NTM: variants seen among roughly 807,000 people sequenced by gnomAD.
NTM encodes IgLON family member 2.
In NTM, 13 loss-of-function variants were observed where a neutral mutation model predicts 42.1. The ratio of observed to expected loss-of-function variants is 0.31; its 90% CI spans 0.20 to 0.49. The LOEUF (loss-of-function observed/expected upper bound fraction) is 0.49, where lower values mean the gene tolerates loss of function less well. Ranked by LOEUF, NTM falls within the 20% of genes least tolerant of loss-of-function variation. The probability of loss-of-function intolerance (pLI) is 0.99; values close to 1 mark genes in which losing one functional copy is unlikely to be tolerated. For synonymous variants in NTM, 187 were observed against 179.2 expected, an observed-to-expected ratio of 1.04 and a Z score of -0.35; for missense variants, 373 against 452.8, an observed-to-expected ratio of 0.82 and a Z score of 1.60.
rs189431934 is a variant in NTM at position 131,551,961 on chromosome 11, G to T, written c.82+181073G>T. 1.2e-3 allele frequency among the ~76,000 whole-genome samples: 176 copies of T among 152,252 alleles called. 3 individuals are homozygous for T. The highest frequency in any genetic ancestry group is 0.011 in the Admixed American group (172 of 15,300). On this transcript the variant is annotated intron_variant, in intron 1 of 8. Coordinates refer to ENST00000683400, the MANE Select transcript of NTM (RefSeq NM_001352005.2). ...CCAACACAGTTCCACAGTTGGTAAG[G>T]TCCCTACAAGCACCATTAGACAATG...
chr11:132,100,756 G>T (rs557486145), intron 2 of NTM, among the ~76,000 whole-genome samples: 1 of 152,064 alleles, frequency 6.6e-6, no homozygotes, highest in Non-Finnish European at 1.5e-5. Flanking sequence ...CCACCCCCAC[G>T]CATACATATA....
intron 1 of NTM, among the ~76,000 whole-genome samples, chr11:131,615,812 G>A (rs899417775): frequency 6.6e-6 from 1 of 152,178 alleles, no homozygotes; most frequent in African/African-American, 2.4e-5. Context: ...AGGCTGTGCT[G>A]AGCCTGTGCA....
At chr11:131,647,061 A>G (rs2065856863) in intron 1 of NTM, among the ~76,000 whole-genome samples, 1 of 152,138 alleles carries the variant, frequency 6.6e-6, no homozygotes, top group Admixed American at 6.5e-5. Flanking sequence ...TACTCTTCGT[A>G]CCCTGGCTGT....
chr11:131,549,268 G>A (rs2054330378), intron 1 of NTM, among the ~76,000 whole-genome samples: 1 of 152,152 alleles, frequency 6.6e-6, no homozygotes, highest in Non-Finnish European at 1.5e-5. Context: ...GTGTTTATCT[G>A]AGATGGTACC....
intron 2 of NTM, among the ~76,000 whole-genome samples, chr11:131,913,507 A>T (rs1321677516): frequency 6.6e-6 from 1 of 152,200 alleles, no homozygotes; most frequent in African/African-American, 2.4e-5. Context: ...GCAGAGGCTG[A>T]ATCACGGGAC....
At chr11:131,767,092 A>C in intron 1 of NTM, 2 of 956,356 alleles carry the variant, frequency 2.1e-6, no homozygotes, top group Non-Finnish European at 2.5e-6. Flanking sequence ...TGTACCTAGA[A>C]CTCTGGACAA....
intron 4 of NTM, among the ~76,000 whole-genome samples, chr11:132,231,392 G>A (rs1231830422): frequency 2.0e-5 from 3 of 152,076 alleles, no homozygotes; most frequent in South Asian, 2.1e-4. Context: ...CATAATTAAC[G>A]TCCATTTAAT....
intron 1 of NTM, among the ~76,000 whole-genome samples, chr11:131,864,552 T>C (rs1477486129): frequency 6.6e-6 from 1 of 152,224 alleles, no homozygotes; most frequent in Non-Finnish European, 1.5e-5. Flanking sequence ...TATTATTTCT[T>C]TGCCTCCAGC....
rs78402025 is a variant in NTM, at chr11:131,621,016, C to A, written c.82+250128C>A. ...CTAACTAATGTGATGCTGCCAGACA[C>A]AAAGCTTGTAATTGTATGTTGAAAG... On this transcript the variant is annotated intron_variant, in intron 1 of 8. Coordinates refer to ENST00000683400, the MANE Select transcript of NTM (RefSeq NM_001352005.2). Among the ~76,000 whole-genome samples, 4 of 152,220 alleles carry A rather than the reference C, an allele frequency of 2.6e-5. No individual in the cohort carries two copies. The East Asian group carries it at 7.7e-4, about 29-fold the overall frequency.
chr11:131,951,935 G>T (rs1326314162), intron 2 of NTM, among the ~76,000 whole-genome samples: 4 of 151,810 alleles, frequency 2.6e-5, no homozygotes, highest in Non-Finnish European at 5.9e-5. Context: ...TGCTTTGATT[G>T]GTCAAAGCTG....
At chr11:131,680,442 C>G (rs2072301995) in intron 1 of NTM, among the ~76,000 whole-genome samples, 2 of 103,462 alleles carry the variant, frequency 1.9e-5, no homozygotes, top group African/African-American at 3.5e-5. Flanking sequence ...TGTGTGAGAT[C>G]ATATCTGTGT....
intron 1 of NTM, among the ~76,000 whole-genome samples, chr11:131,813,086 G>A (rs75523346): frequency 6.6e-6 from 1 of 152,210 alleles, no homozygotes; most frequent in African/African-American, 2.4e-5. Context: ...TGGTAAGGAA[G>A]TTATGTTGAC....
At chr11:132,193,758 A>G (rs955482113) in intron 3 of NTM, among the ~76,000 whole-genome samples, 2 of 152,060 alleles carry the variant, frequency 1.3e-5, no homozygotes, top group Admixed American at 6.6e-5. Context: ...GAAGATGCAA[A>G]CACCATCAGA....
At chr11:131,629,929 A>C (rs1018190817) in intron 1 of NTM, among the ~76,000 whole-genome samples, 1 of 152,196 alleles carries the variant, frequency 6.6e-6, no homozygotes, top group African/African-American at 2.4e-5. Flanking sequence ...CTGCCTCTGT[A>C]ATCTCCCAGG....
At chr11:131,374,323 G>A (rs910803030) in intron 1 of NTM, among the ~76,000 whole-genome samples, 1 of 152,204 alleles carries the variant, frequency 6.6e-6, no homozygotes, top group South Asian at 2.1e-4. Flanking sequence ...CTGAGCATTC[G>A]CTCAAGCGTG....
intron 2 of NTM, among the ~76,000 whole-genome samples, chr11:132,100,039 CA>C (rs1172685933): frequency 2.6e-5 from 4 of 152,132 alleles, no homozygotes; most frequent in Admixed American, 2.0e-4. Context: ...AAATCGTGAA[CA>C]AAATAGGCAT....
intron 1 of NTM, among the ~76,000 whole-genome samples, chr11:131,382,496 G>GA (rs545774053): frequency 1.3e-3 from 193 of 149,880 alleles, no homozygotes; most frequent in African/African-American, 3.5e-3. Context: ...CATCACTTGT[G>GA]AAAAAAAAAA....
intron 1 of NTM, among the ~76,000 whole-genome samples, chr11:131,379,333 A>G (rs1281721201): frequency 6.6e-6 from 1 of 152,192 alleles, no homozygotes; most frequent in Non-Finnish European, 1.5e-5. Flanking sequence ...AGACAGGAGG[A>G]TGGGAAGAAG....
chr11:132,211,669 T>C (rs1394704408), intron 3 of NTM: 2 of 201,500 alleles, frequency 9.9e-6, no homozygotes, highest in Admixed American at 1.2e-4. Flanking sequence ...AATTGCATTC[T>C]TTCAAGACAT....
Sources: gnomAD v4.1 joint callset for allele counts (sites outside exome capture counted in the v4.1 genomes callset) on GRCh38, gnomAD v4.1.1 for gene constraint, MANE v1.5 for transcripts, NCBI Gene and HGNC (gene_info 2026-07-23, HGNC 2026-07-21) for gene names.